The following FMN1 variants were observed in gnomAD, a reference collection of about 807,000 sequenced individuals.
FMN1 encodes formin-1.
In FMN1, 110 loss-of-function variants were observed where a neutral mutation model predicts 132.4. That is an observed-to-expected ratio of 0.83 (90% confidence interval 0.71 to 0.97). The LOEUF is 0.97. FMN1 is among the 50% of genes least tolerant of loss of function. The probability of loss-of-function intolerance (pLI) is 0.00; values close to 1 mark genes in which losing one functional copy is unlikely to be tolerated. For synonymous variants in FMN1, 722 were observed against 651.7 expected, an observed-to-expected ratio of 1.11 and a Z score of -1.64; for missense variants, 1,792 against 1,705.3, an observed-to-expected ratio of 1.05 and a Z score of -0.90.
At position 32,884,626 on chromosome 15, in the gene FMN1, G is replaced by T. The variant is rs140014446; in HGVS notation, c.3835+3546C>A. Among the ~76,000 whole-genome samples the T allele has an allele frequency of 3.0e-3, 460 of 152,258 alleles. 2 individuals are homozygous for T. The highest frequency in any genetic ancestry group is 0.01 in the African/African-American group (421 of 41,550). On this transcript the variant is annotated intron_variant, in intron 16 of 20. Coordinates refer to ENST00000616417, the MANE Select transcript of FMN1 (RefSeq NM_001277313.2). ...TATTCTGCCTACCACATATGGGTGG[G>T]TAAGAACACCCTGAGAGTTCCAGCC...
intron 19 of FMN1, among the ~76,000 whole-genome samples, chr15:32,779,743 C>T (rs1245141048): frequency 6.6e-6 from 1 of 152,186 alleles, no homozygotes; most frequent in Non-Finnish European, 1.5e-5. Flanking sequence ...TTGAATTAAA[C>T]TTAATTTTCA....
intron 4 of FMN1, among the ~76,000 whole-genome samples, chr15:33,135,624 T>A (rs1486675841): frequency 3.3e-5 from 5 of 152,218 alleles, no homozygotes; most frequent in Non-Finnish European, 5.9e-5. Flanking sequence ...TTAGTGAAGC[T>A]GGAGAAACCG....
rs188149274 is a variant in FMN1 at position 33,088,897 on chromosome 15, C to A, written c.1945G>T (p.Ala649Ser). The stretch of plus-strand genomic sequence containing the variant: ...CCCGCTCTGTAGCCCAGAACCCACG[C>A]GCCTCCATCTCTGTTGGGAAGGTCT... Reference protein sequence around the residue: ...PKDLPNRDGGAWVLGYRAGPA... With the variant: ...PKDLPNRDGGSWVLGYRAGPA... The change falls in exon 5 of 21, where the codon GCG (alanine) becomes TCG (serine). Residue 649 changes from alanine (A) to serine (S), a missense_variant. Coordinates refer to ENST00000616417, the MANE Select transcript of FMN1 (RefSeq NM_001277313.2). The A allele has an allele frequency of 6.5e-7, 1 of 1,535,918 alleles. No individual in the cohort carries two copies. Among genetic ancestry groups the A allele is most frequent in the South Asian group, 1.2e-5 (1 of 84,052 alleles).
chr15:32,818,996 T>C (rs771908520), intron 17 of FMN1, among the ~76,000 whole-genome samples: 1 of 151,868 alleles, frequency 6.6e-6, no homozygotes, highest in African/African-American at 2.4e-5. Flanking sequence ...ACCATAGCAT[T>C]ACCTCCTCCT....
chr15:33,089,248 T>C (rs2038818480), intron 4 of FMN1, among the ~76,000 whole-genome samples: 1 of 152,184 alleles, frequency 6.6e-6, no homozygotes, highest in African/African-American at 2.4e-5. Flanking sequence ...CATGGGTCAT[T>C]CTATCTCAGC....
At chr15:32,823,002 T>A (rs190590303) in intron 17 of FMN1, among the ~76,000 whole-genome samples, 445 of 152,208 alleles carry the variant, frequency 2.9e-3, no homozygotes, top group Non-Finnish European at 3.5e-3. Context: ...ATGCTGCAGC[T>A]ACTCTATCTT....
rs182413899 is a variant in FMN1 at position 32,892,170 on chromosome 15, C to T, written c.3715-3878G>A. 3.9e-3 allele frequency among the ~76,000 whole-genome samples: 601 copies of T among 152,242 alleles called. 5 individuals carry two copies. Among genetic ancestry groups the T allele is most frequent in the Non-Finnish European group, 6.9e-3 (466 of 68,020 alleles). On this transcript the variant is annotated intron_variant, in intron 15 of 20. Transcript: ENST00000616417. ...GGAATGCCTTCAACTTTTCCCCATTCAATATTATGTTGGCTGGGGGTTTGT... is the reference window on the plus strand; with the variant it reads ...GGAATGCCTTCAACTTTTCCCCATTTAATATTATGTTGGCTGGGGGTTTGT...
At chr15:33,140,310 T>A (rs1355322134) in intron 4 of FMN1, among the ~76,000 whole-genome samples, 1 of 151,716 alleles carries the variant, frequency 6.6e-6, no homozygotes, top group Non-Finnish European at 1.5e-5. Flanking sequence ...CTGCAGGTGA[T>A]GAACAATTAA....
At chr15:33,123,671 T>A (rs1331151349) in intron 4 of FMN1, among the ~76,000 whole-genome samples, 2 of 152,152 alleles carry the variant, frequency 1.3e-5, no homozygotes, top group Non-Finnish European at 2.9e-5. Context: ...TAACACAGAT[T>A]AAGTTTTCCA....
chr15:32,873,833 T>C (rs1596143867), intron 16 of FMN1, among the ~76,000 whole-genome samples: 1 of 152,234 alleles, frequency 6.6e-6, no homozygotes, highest in East Asian at 1.9e-4. Context: ...CTCCAAGCTA[T>C]CTCCTGTTGG....
At chr15:32,961,729 G>C (rs1012779575) in intron 9 of FMN1, among the ~76,000 whole-genome samples, 2 of 152,152 alleles carry the variant, frequency 1.3e-5, no homozygotes, top group Non-Finnish European at 2.9e-5. Context: ...TAATTACTTA[G>C]AGAACATTAT....
chr15:32,915,570 G>A (rs989007103), intron 10 of FMN1, among the ~76,000 whole-genome samples: 8 of 152,298 alleles, frequency 5.3e-5, no homozygotes, highest in South Asian at 4.1e-4. Flanking sequence ...CAGGCACACC[G>A]CTCATAAACT....
At chr15:33,078,704 C>T (rs2038324449) in intron 5 of FMN1, among the ~76,000 whole-genome samples, 1 of 151,420 alleles carries the variant, frequency 6.6e-6, no homozygotes, top group African/African-American at 2.4e-5. Context: ...TAGGAGTGTT[C>T]ACAAACAGTC....
chr15:33,109,315 G>A (rs2039606917), intron 4 of FMN1, among the ~76,000 whole-genome samples: 1 of 151,968 alleles, frequency 6.6e-6, no homozygotes, highest in Non-Finnish European at 1.5e-5. Flanking sequence ...TGGCCAAAGG[G>A]AAAATAAAAA....
At chr15:33,166,324 C>CTTT (rs112939787) in intron 3 of FMN1, among the ~76,000 whole-genome samples, 2 of 144,272 alleles carry the variant, frequency 1.4e-5, no homozygotes, top group Non-Finnish European at 3.1e-5. Flanking sequence ...TTTTCTTTTT[C>CTTT]TTTTTTTTTT....
At chr15:32,996,445 C>G (rs1202852553) in intron 7 of FMN1, among the ~76,000 whole-genome samples, 1 of 152,100 alleles carries the variant, frequency 6.6e-6, no homozygotes, top group East Asian at 1.9e-4. Flanking sequence ...AAATATCCAC[C>G]CAAAGATAGA....
chr15:33,039,811 C>G (rs1270876400), intron 6 of FMN1, among the ~76,000 whole-genome samples: 3 of 152,166 alleles, frequency 2.0e-5, no homozygotes, highest in African/African-American at 7.2e-5. Flanking sequence ...TGTATCTGTT[C>G]ATAAGAAAAT....
At chr15:33,150,416 T>TA in intron 4 of FMN1, 2 of 985,478 alleles carry the variant, frequency 2.0e-6, no homozygotes, top group Non-Finnish European at 2.4e-6. Context: ...AAAACCTGAC[T>TA]ACCAGTTCTT....
intron 6 of FMN1, among the ~76,000 whole-genome samples, chr15:33,018,186 AGTGT>A (rs1013953999): frequency 6.6e-6 from 1 of 152,164 alleles, no homozygotes; most frequent in Admixed American, 6.5e-5. Flanking sequence ...GCATGAGATT[AGTGT>A]GTGTGATACT....
Sources: allele counts gnomAD v4.1 joint callset (sites outside exome capture counted in the v4.1 genomes callset), GRCh38; gene constraint gnomAD v4.1.1; transcripts MANE v1.5; gene names NCBI Gene and HGNC (gene_info 2026-07-23, HGNC 2026-07-21).